The following TKT variants were observed in gnomAD, a reference collection of about 807,000 sequenced individuals.
The protein encoded by TKT is epididymis luminal protein 107.
A neutral mutation model predicts 63.9 loss-of-function variants in TKT; 47 were observed. That is an observed-to-expected ratio of 0.74 (90% CI 0.58 to 0.94). The LOEUF is 0.94. Ranked by LOEUF, TKT falls within the 40% of genes least tolerant of loss-of-function variation. The pLI, the probability that TKT is intolerant of heterozygous loss-of-function variation, is 0.00. For missense variants in TKT, 721 were observed against 846.2 expected (o/e 0.85, Z 1.84); for synonymous variants, 338 against 334.1 (o/e 1.01, Z -0.13).
At chr3:53,255,107 A>G (rs1179054290) in intron 1 of TKT, among the ~76,000 whole-genome samples, 1 of 152,150 alleles carries the variant, frequency 6.6e-6, no homozygotes, top group Non-Finnish European at 1.5e-5. Context: ...AATGGATCCC[A>G]GGGTTCTGCA....
chr3:53,233,281 A>C lies in TKT; in HGVS notation c.630-7T>G. 2 of 1,605,850 alleles carry C rather than the reference A, an allele frequency of 1.2e-6. No homozygotes were observed. The highest frequency in any genetic ancestry group is 1.7e-6 in the Non-Finnish European group (2 of 1,175,330). On this transcript the variant is annotated splice_polypyrimidine_tract_variant and splice_region_variant and intron_variant, in intron 5 of 13. Transcript: ENST00000462138. ...CACGATGATGGCATGCCAACTGGGG[A>C]CAGGGGGCAGAGAGTAAGGGGCAAT...
rs1180819157 is a variant in TKT at position 53,227,874 on chromosome 3, A to G, written c.1573+182T>C. ...CACTGCAGCCCCAGGACTTAGCAAC[A>G]TGCCAGACAGAACAAGTGCTCAAAG... is the stretch of plus-strand genomic sequence containing the variant. On this transcript the variant is annotated intron_variant, in intron 12 of 13. Coordinates refer to ENST00000462138, the MANE Select transcript of TKT (RefSeq NM_001064.4). 4 of 590,028 alleles carry G rather than the reference A, an allele frequency of 6.8e-6. No individual in the cohort carries two copies. In the East Asian group the frequency reaches 9.2e-5, roughly 14 times the overall value. The allele number at this position is 590,028 out of a possible 1,614,324, so 36.5% of individuals were successfully genotyped here.
At position 53,231,223 on chromosome 3, in the gene TKT, A is replaced by G; in HGVS notation, c.942+134T>C. 2 of 980,224 alleles carry G rather than the reference A, an allele frequency of 2.0e-6. 1 individual carries two copies. Among genetic ancestry groups the G allele is most frequent in the South Asian group, 3.3e-5 (2 of 59,766 alleles). 60.7% of individuals were successfully genotyped at this position (980,224 alleles called of 1,614,324 possible). ...CATTCTGAGGGAAGTGACAGGAACA[A>G]CACCTCAGGGATCACTCCTCGCCCT... is the stretch of plus-strand genomic sequence containing the variant. On this transcript the variant is annotated intron_variant, in intron 7 of 13. Transcript: ENST00000462138.
intron 1 of TKT, among the ~76,000 whole-genome samples, chr3:53,246,439 C>G (rs998093610): frequency 1.3e-5 from 2 of 152,230 alleles, no homozygotes; most frequent in African/African-American, 4.8e-5. Flanking sequence ...GCGAGCTACA[C>G]TTCACAAATC....
chr3:53,228,636 G>A (rs1388979182), intron 10 of TKT: 15 of 514,318 alleles, frequency 2.9e-5, no homozygotes, highest in Non-Finnish European at 4.6e-5. Context: ...ACCAGGCAGA[G>A]GGGCAGGAAC....
At chr3:53,232,923 C>T (rs1418985922) in intron 6 of TKT, 1 of 505,814 alleles carries the variant, frequency 2.0e-6, no homozygotes, top group Non-Finnish European at 3.5e-6. Flanking sequence ...CAAGTCCCTC[C>T]TCTCCTCCTG....
chr3:53,229,920 T>TG, intron 8 of TKT, among the ~76,000 whole-genome samples: 1 of 152,320 alleles, frequency 6.6e-6, no homozygotes. Context: ...GCTGGGCTCC[T>TG]GGACCACCAG....
chr3:53,229,508 T>G, intron 8 of TKT, 72 bp from the exon 9 acceptor site: 1 of 1,503,958 alleles, frequency 6.6e-7, no homozygotes. Flanking sequence ...GGACCCCTTT[T>G]GTGGAGAAAG....
At chr3:53,254,469 C>T (rs1705892991) in intron 1 of TKT, among the ~76,000 whole-genome samples, 1 of 152,232 alleles carries the variant, frequency 6.6e-6, no homozygotes, top group Admixed American at 6.5e-5. Flanking sequence ...GTCTTAGAGG[C>T]ACAAAGGGTG....
chr3:53,232,943 G>A (rs948528609), intron 6 of TKT: 5 of 541,882 alleles, frequency 9.2e-6, no homozygotes, highest in Admixed American at 3.5e-5. Context: ...GCCTGTACAT[G>A]CCCCCACCGG....
In TKT at chr3:53,225,837, C is replaced by T; in HGVS notation, c.1791G>A (p.Lys597=). The T allele has an allele frequency of 6.2e-7, 1 of 1,614,130 alleles. No individual in the cohort carries two copies. The highest frequency in any genetic ancestry group is 1.1e-5 in the South Asian group (1 of 91,074). The change falls in exon 14 of 14, where the codon AAG becomes AAA. Residue 597 remains lysine, a synonymous_variant. Coordinates refer to ENST00000462138, the MANE Select transcript of TKT (RefSeq NM_001064.4). Reference sequence around the variant, plus strand: ...CAAACATCTTCAGCAGCTCAGCCGGCTTCCCACTTCTTGGTACCCGGTTAA... The same window carrying T: ...CAAACATCTTCAGCAGCTCAGCCGGTTTCCCACTTCTTGGTACCCGGTTAA... ...LAVNRVPRSG[K]PAELLKMFGI... is the part of the protein sequence containing the mutation.
rs148241470 is a variant in TKT at position 53,239,056 on chromosome 3, C to T, written c.437+1195G>A. Among the ~76,000 whole-genome samples the T allele has an allele frequency of 4.6e-5, 7 of 152,268 alleles. No individual in the cohort carries two copies. In the East Asian group the frequency reaches 1.4e-3, roughly 29 times the overall value. On this transcript the variant is annotated intron_variant, in intron 4 of 13. Transcript: ENST00000462138. ...GGACAGGTCTTCCCCATGCTGTTCT[C>T]GTGATGGTGAATAAGTCTCACAAGA...
chr3:53,235,040 T>G lies in TKT; in HGVS notation c.572A>C (p.Asp191Ala). Residue 191 changes from aspartate (D) to alanine (A), a missense_variant, in exon 5 of 14, where the codon GAC (aspartate) becomes GCC (alanine). Physicochemically the swap from Asp to Ala is moderately radical, Grantham distance 126 (BLOSUM62 -2). Transcript: ENST00000462138. Reference sequence around the variant, plus strand: ...CATCTGGTGCTGCAGTGGGGCCGGGTCACTCTGGCCCAGGCGATTGATGTC... The same window carrying G: ...CATCTGGTGCTGCAGTGGGGCCGGGGCACTCTGGCCCAGGCGATTGATGTC... ...ILDINRLGQSDPAPLQHQMDI... is the reference protein window; with the variant it reads ...ILDINRLGQSAPAPLQHQMDI... 2 of 1,613,900 alleles carry G rather than the reference T, an allele frequency of 1.2e-6. No homozygotes were observed. The highest frequency in any genetic ancestry group is 3.3e-5 in the Admixed American group (2 of 60,010).
intron 6 of TKT, chr3:53,232,525 C>T (rs1478959161): frequency 1.5e-5 from 6 of 398,592 alleles, no homozygotes. Context: ...CGGGCAAGTC[C>T]CTGACCACTT....
intron 10 of TKT, 74 bp from the exon 11 acceptor site, chr3:53,228,433 A>C: frequency 6.5e-7 from 1 of 1,531,428 alleles, no homozygotes; most frequent in Non-Finnish European, 9.0e-7. Context: ...CTTTCTAGAG[A>C]GGCCATCCCT....
In TKT at chr3:53,235,031, G is replaced by A; in HGVS notation, c.581C>T (p.Pro194Leu). The A allele has an allele frequency of 6.2e-7, 1 of 1,613,804 alleles. No individual in the cohort carries two copies. Among genetic ancestry groups the A allele is most frequent in the Non-Finnish European group, 8.5e-7 (1 of 1,179,878 alleles). Reference sequence around the variant, plus strand: ...GTAGATGTCCATCTGGTGCTGCAGTGGGGCCGGGTCACTCTGGCCCAGGCG... The same window carrying A: ...GTAGATGTCCATCTGGTGCTGCAGTAGGGCCGGGTCACTCTGGCCCAGGCG... The part of the protein sequence containing the change: ...INRLGQSDPA[P>L]LQHQMDIYQK... Residue 194 changes from proline to leucine, a missense_variant, in exon 5 of 14, where the codon CCA (proline) becomes CTA (leucine). Physicochemically the swap from Pro to Leu is moderately conservative, Grantham distance 98. Coordinates refer to ENST00000462138, the MANE Select transcript of TKT (RefSeq NM_001064.4).
At position 53,231,346 on chromosome 3, in the gene TKT, CCA is replaced by C; in HGVS notation, c.942+9_942+10del. 38 of 1,612,150 alleles carry C rather than the reference CCA, an allele frequency of 2.4e-5. No homozygotes were observed. The highest frequency in any genetic ancestry group is 3.0e-5 in the Non-Finnish European group (35 of 1,179,694). On this transcript the variant is annotated intron_variant, in intron 7 of 13. Coordinates refer to ENST00000462138, the MANE Select transcript of TKT (RefSeq NM_001064.4). ...AACTATGGGTTCAGAGAAACAGGCC[CCA>C]CTTTGTACCTTGTCCCCAACTTTGT...
Position 53,233,135 on chromosome 3 carries a change from G to C in TKT, c.748+21C>G, listed in dbSNP as rs567240460. 3.7e-6 allele frequency: 6 copies of C among 1,603,676 alleles called. No homozygotes were observed. In the Admixed American group the frequency reaches 1.0e-4, roughly 27 times the overall value. On this transcript the variant is annotated intron_variant, in intron 6 of 13. Transcript: ENST00000462138. The stretch of plus-strand genomic sequence containing the variant: ...TCTGGGCGAGGGGTGAAGGTGGGGA[G>C]GGCGGCTTGTGCATACTGACCCGTG...
intron 12 of TKT, chr3:53,227,814 T>G (rs1575558679): frequency 9.6e-6 from 4 of 418,512 alleles, no homozygotes; most frequent in South Asian, 5.8e-5. Flanking sequence ...GCTGGGGGGG[T>G]CTCGACTTTA....
Sources: allele counts gnomAD v4.1 joint callset (sites outside exome capture counted in the v4.1 genomes callset), GRCh38; gene constraint gnomAD v4.1.1; transcripts MANE v1.5; gene names NCBI Gene and HGNC (gene_info 2026-07-23, HGNC 2026-07-21).